PCDHGB5: variants seen among roughly 807,000 people sequenced by gnomAD.
The protein encoded by PCDHGB5 is protocadherin gamma-B5.
In PCDHGB5, 48 loss-of-function variants were observed where a neutral mutation model predicts 62.9. The observed-to-expected ratio is 0.76, with a 90% CI of 0.61 to 0.97. The LOEUF (loss-of-function observed/expected upper bound fraction) is 0.97, where lower values mean the gene tolerates loss of function less well. PCDHGB5 is among the 50% of genes least tolerant of loss of function. The probability of loss-of-function intolerance (pLI) is 0.00; values close to 1 mark genes in which losing one functional copy is unlikely to be tolerated. For synonymous variants in PCDHGB5, 474 were observed against 511.2 expected, an observed-to-expected ratio of 0.93 and a Z score of 0.98; for missense variants, 1,118 against 1,198.6, an observed-to-expected ratio of 0.93 and a Z score of 0.99.
chr5:141,509,811 C>T (rs1321920000), intron 3 of PCDHGB5, among the ~76,000 whole-genome samples: 1 of 152,168 alleles, frequency 6.6e-6, no homozygotes, highest in African/African-American at 2.4e-5. Flanking sequence ...TAGAGCCGAG[C>T]TCTTCTCCAT....
At chr5:141,403,291 A>C in intron 1 of PCDHGB5, 1 of 1,613,918 alleles carries the variant, frequency 6.2e-7, no homozygotes, top group Non-Finnish European at 8.5e-7. Flanking sequence ...TTGAAGACAG[A>C]GTGAAACTGT....
rs199965876 is a variant in PCDHGB5, at chr5:141,419,464, C to G, written c.2397+18940C>G. ...CCTTCGAGCTCACGCTGCAGGCCCG[C>G]GACCAGGGCTCGCCCGCGCTCAGCG... On this transcript the variant is annotated intron_variant, in intron 1 of 3. Transcript: ENST00000617380. 4 of 1,612,542 alleles carry G rather than the reference C, an allele frequency of 2.5e-6. No homozygotes were observed. In the Admixed American group the frequency reaches 6.7e-5, roughly 27 times the overall value.
At position 141,433,290 on chromosome 5, in the gene PCDHGB5, C is replaced by T. The variant is rs186668064; in HGVS notation, c.2397+32766C>T. ...CTCACTGCAGCCTCAAACTCCTAGG[C>T]TCAAGCAATTATCCCACCTTTGCCT... On this transcript the variant is annotated intron_variant, in intron 1 of 3. Transcript: ENST00000617380. The T allele has an allele frequency of 1.6e-3, 1,738 of 1,107,746 alleles. 60 individuals carry two copies. In the Admixed American group the frequency reaches 0.041, roughly 26 times the overall value. 68.6% of individuals were successfully genotyped at this position (1,107,746 alleles called of 1,614,324 possible). A position where few individuals can be genotyped will look rare whatever the true frequency, so the allele number is the denominator to read the frequency against.
intron 1 of PCDHGB5, among the ~76,000 whole-genome samples, chr5:141,474,185 C>A (rs1481544975): frequency 6.6e-6 from 1 of 152,180 alleles, no homozygotes; most frequent in Non-Finnish European, 1.5e-5. Flanking sequence ...AAACTACTTA[C>A]ATTTTTAAAA....
intron 1 of PCDHGB5, among the ~76,000 whole-genome samples, chr5:141,442,612 A>C (rs1180568407): frequency 6.6e-6 from 1 of 152,212 alleles, no homozygotes; most frequent in Non-Finnish European, 1.5e-5. Flanking sequence ...ATCTCAGTAA[A>C]AAGCATTTCT....
intron 1 of PCDHGB5, chr5:141,410,296 A>G (rs1424650333): frequency 6.2e-7 from 1 of 1,613,774 alleles, no homozygotes; most frequent in Admixed American, 1.7e-5. Flanking sequence ...CCTTGGCCTT[A>G]ATCTCAGTGC....
chr5:141,438,450 A>G (rs1017249043), intron 1 of PCDHGB5, among the ~76,000 whole-genome samples: 32 of 151,738 alleles, frequency 2.1e-4, no homozygotes, highest in African/African-American at 7.5e-4. Flanking sequence ...ACTCAATACA[A>G]TGCTTGAGTT....
chr5:141,478,927 C>T (rs2154577116), intron 1 of PCDHGB5: 2 of 690,162 alleles, frequency 2.9e-6, no homozygotes, highest in East Asian at 6.0e-5. Flanking sequence ...TAACCAGTGG[C>T]AGCTTCTAGG....
chr5:141,474,687 A>G (rs369586568), intron 1 of PCDHGB5, among the ~76,000 whole-genome samples: 35 of 152,302 alleles, frequency 2.3e-4, no homozygotes, highest in African/African-American at 7.7e-4. Flanking sequence ...CTACCCCTTC[A>G]CTTATGTTCA....
chr5:141,486,090 G>T lies in PCDHGB5; in HGVS notation c.2398-8717G>T, dbSNP rs190955361. 2.5e-6 allele frequency: 4 copies of T among 1,614,086 alleles called. No individual in the cohort carries two copies. In the East Asian group the frequency reaches 8.9e-5, roughly 36 times the overall value. On this transcript the variant is annotated intron_variant, in intron 1 of 3. Transcript: ENST00000617380. This position sits in a 1 kb window ranked among gnomAD's most constrained non-coding sequence, Gnocchi z 5.0. Reference sequence around the variant, plus strand: ...ACTACTGGAAAGCTTACTCTTTTGGGGCCCCTAGACTTTGAGAGTGAGAAT... The same window carrying T: ...ACTACTGGAAAGCTTACTCTTTTGGTGCCCCTAGACTTTGAGAGTGAGAAT...
chr5:141,490,726 AATCAGG>A lies in PCDHGB5; in HGVS notation c.2398-4080_2398-4075del. The A allele has an allele frequency of 6.2e-7, 1 of 1,614,202 alleles. No homozygotes were observed. The highest frequency in any genetic ancestry group is 8.5e-7 in the Non-Finnish European group (1 of 1,180,032). On this transcript the variant is annotated intron_variant, in intron 1 of 3. Transcript: ENST00000617380. This position sits in a 1 kb window ranked among gnomAD's most constrained non-coding sequence, Gnocchi z 5.4. Reference sequence around the variant, plus strand: ...CCGCCTCACCTACTCCATTGTAGGAAATCAGGTTCAGGGAGCCCCAGCCTCCTCCTT... The same window carrying A: ...CCGCCTCACCTACTCCATTGTAGGAATTCAGGGAGCCCCAGCCTCCTCCTT...
At position 141,485,413 on chromosome 5, in the gene PCDHGB5, C is replaced by T; in HGVS notation, c.2398-9394C>T. ...AAAGACACTTCCGTGTGGATTTGGA[C>T]AGCGGAGCCCTGCTCATCAAGAACC... On this transcript the variant is annotated intron_variant, in intron 1 of 3. Transcript: ENST00000617380. The surrounding 1 kb of genome is among the most constrained non-coding windows in gnomAD (Gnocchi z 5.7). The T allele has an allele frequency of 6.2e-7, 1 of 1,614,158 alleles. No individual in the cohort carries two copies. The highest frequency in any genetic ancestry group is 8.5e-7 in the Non-Finnish European group (1 of 1,180,030).
In PCDHGB5 at chr5:141,489,750, C is replaced by T. The variant is rs753217170; in HGVS notation, c.2398-5057C>T. On this transcript the variant is annotated intron_variant, in intron 1 of 3. Coordinates refer to ENST00000617380, the MANE Select transcript of PCDHGB5 (RefSeq NM_018925.3). The surrounding 1 kb of genome is among the most constrained non-coding windows in gnomAD (Gnocchi z 4.5). ...TGGGCACCAATACTGTGAGCTTTTA[C>T]ACTCTAAGCCCCAACAGCCACTTCT... 1.2e-6 allele frequency: 2 copies of T among 1,614,098 alleles called. No homozygotes were observed. Among genetic ancestry groups the T allele is most frequent in the Admixed American group, 3.3e-5 (2 of 60,022 alleles).
intron 1 of PCDHGB5, among the ~76,000 whole-genome samples, chr5:141,448,751 T>C (rs888567097): frequency 1.3e-5 from 2 of 151,804 alleles, no homozygotes; most frequent in South Asian, 4.2e-4. Context: ...CCATCCTGGC[T>C]AACACGGTGA....
chr5:141,486,408 C>T lies in PCDHGB5; in HGVS notation c.2398-8399C>T. On this transcript the variant is annotated intron_variant, in intron 1 of 3. Coordinates refer to ENST00000617380, the MANE Select transcript of PCDHGB5 (RefSeq NM_018925.3). This position sits in a 1 kb window ranked among gnomAD's most constrained non-coding sequence, Gnocchi z 5.0. ...CAGTTCTCCCTGGTGACTGCTGGAC[C>T]CTTGGATCGAGAGGCCAAATCTAGC... is the stretch of plus-strand genomic sequence containing the variant. The T allele has an allele frequency of 1.2e-6, 2 of 1,614,156 alleles. No individual in the cohort carries two copies. Among genetic ancestry groups the T allele is most frequent in the South Asian group, 2.2e-5 (2 of 91,084 alleles).
At chr5:141,442,848 T>C (rs1210778801) in intron 1 of PCDHGB5, among the ~76,000 whole-genome samples, 2 of 152,236 alleles carry the variant, frequency 1.3e-5, no homozygotes, top group Non-Finnish European at 2.9e-5. Context: ...ATCTTGGCCA[T>C]TGTAGTATGA....
rs2093964070 is a variant in PCDHGB5, at chr5:141,400,115, G to A, written c.1988G>A (p.Ser663Asn). Residue 663 changes from serine to asparagine, a missense_variant, in exon 1 of 4, where the codon AGC becomes AAC. Ser to Asn is a conservative substitution (Grantham distance 46). This residue lies in a region of PCDHGB5 where 1,034 missense variants were observed against 1,029.1 expected (regional missense o/e 1.00). Coordinates refer to ENST00000617380, the MANE Select transcript of PCDHGB5 (RefSeq NM_018925.3). ...TATLHLVFAD[S>N]LQEVLPDITD... ...ACGCTGCACTTGGTCTTTGCTGACA[G>A]CTTGCAGGAGGTGCTGCCGGATATC... The A allele has an allele frequency of 1.9e-6, 3 of 1,613,966 alleles. No individual in the cohort carries two copies. The African/African-American group carries it at 4.0e-5, about 22-fold the overall frequency.
intron 1 of PCDHGB5, among the ~76,000 whole-genome samples, chr5:141,463,205 A>T (rs2099054933): frequency 6.6e-6 from 1 of 152,080 alleles, no homozygotes; most frequent in Non-Finnish European, 1.5e-5. Context: ...AGACTTGGGG[A>T]TCCATATTAA....
intron 1 of PCDHGB5, chr5:141,405,249 G>C: frequency 1.2e-6 from 2 of 1,614,128 alleles, no homozygotes; most frequent in Non-Finnish European, 1.7e-6. Flanking sequence ...TCAAGGAAGA[G>C]TCACCTGATC....
Sources: allele counts gnomAD v4.1 joint callset (sites outside exome capture counted in the v4.1 genomes callset), GRCh38; gene constraint gnomAD v4.1.1; regional missense constraint gnomAD v4.1.1; non-coding constraint Gnocchi (gnomAD v3.1); transcripts MANE v1.5; gene names NCBI Gene and HGNC (gene_info 2026-07-23, HGNC 2026-07-21).